The following TTC7B variants were observed in gnomAD, a reference collection of about 807,000 sequenced individuals.
TTC7B encodes tetratricopeptide repeat domain 7B.
A neutral mutation model predicts 106.8 loss-of-function variants in TTC7B; 28 were observed. That is an observed-to-expected ratio of 0.26 (90% CI 0.19 to 0.36). TTC7B has a LOEUF of 0.36. Among genes scored for constraint, TTC7B ranks in the 10% least tolerant of loss-of-function variants. The pLI is 1.00. For synonymous variants in TTC7B, 405 were observed against 430.6 expected (o/e 0.94, Z 0.74); for missense variants, 862 against 1,076.4 (o/e 0.80, Z 2.79).
chr14:90,599,601 C>T (rs1892347423), intron 17 of TTC7B, among the ~76,000 whole-genome samples: 1 of 152,234 alleles, frequency 6.6e-6, no homozygotes, highest in Admixed American at 6.5e-5. Flanking sequence ...TGGCACGTGG[C>T]CACACCCCAA....
intron 8 of TTC7B, among the ~76,000 whole-genome samples, chr14:90,677,571 TC>T (rs1382081142): frequency 6.6e-6 from 1 of 152,214 alleles, no homozygotes; most frequent in Non-Finnish European, 1.5e-5. Context: ...CCTGCCTTTT[TC>T]CCTCTGCTAA....
chr14:90,745,512 A>T (rs754531288), intron 3 of TTC7B, among the ~76,000 whole-genome samples: 1 of 152,082 alleles, frequency 6.6e-6, no homozygotes, highest in African/African-American at 2.4e-5. Flanking sequence ...GATTTGCTCA[A>T]ATCCTTTCTC....
rs184438153 is a variant in TTC7B, at chr14:90,726,869, G to A, written c.698+3206C>T. 6.0e-4 allele frequency among the ~76,000 whole-genome samples: 91 copies of A among 152,334 alleles called. 1 individual carries two copies. In the East Asian group the frequency reaches 0.014, roughly 24 times the overall value. On this transcript the variant is annotated intron_variant, in intron 5 of 19. Transcript: ENST00000328459. ...TTGTTGCTGCCACCCAGAGGGATAAGAGAAATAGATGTGAAATGGATCTGG... is the reference window on the plus strand; with the variant it reads ...TTGTTGCTGCCACCCAGAGGGATAAAAGAAATAGATGTGAAATGGATCTGG...
intron 18 of TTC7B, among the ~76,000 whole-genome samples, chr14:90,589,998 C>T (rs926797315): frequency 1.3e-5 from 2 of 152,002 alleles, no homozygotes; most frequent in Admixed American, 6.6e-5. Context: ...TACCAGGTGG[C>T]ACATTCAGGG....
intron 19 of TTC7B, among the ~76,000 whole-genome samples, chr14:90,564,611 A>G (rs1890713621): frequency 1.3e-5 from 2 of 152,338 alleles, no homozygotes. Flanking sequence ...TTTCATCTAC[A>G]TTAAAAAACT....
Position 90,624,100 on chromosome 14 carries a change from ATG to A in TTC7B, c.1752-6057_1752-6056del, listed in dbSNP as rs936064831. Among the ~76,000 whole-genome samples the A allele has an allele frequency of 6.6e-6, 1 of 152,124 alleles. No individual in the cohort carries two copies. The highest frequency in any genetic ancestry group is 2.4e-5 in the African/African-American group (1 of 41,428). On this transcript the variant is annotated intron_variant, in intron 15 of 19. Transcript: ENST00000328459. This position sits in a 1 kb window ranked among gnomAD's most constrained non-coding sequence, Gnocchi z 4.0. ...TATGCGTGTGCGTGTATATGTGTGCATGTGTGTGTGCGCGTGCGCGTGTGTGT... is the reference window on the plus strand; with the variant it reads ...TATGCGTGTGCGTGTATATGTGTGCATGTGTGTGCGCGTGCGCGTGTGTGT...
chr14:90,551,404 G>A (rs1390029087), intron 19 of TTC7B, among the ~76,000 whole-genome samples: 2 of 152,126 alleles, frequency 1.3e-5, no homozygotes, highest in African/African-American at 4.8e-5. Flanking sequence ...CTAAGAGTGG[G>A]TTCCCTGACC....
At chr14:90,745,467 G>C (rs1889931662) in intron 3 of TTC7B, among the ~76,000 whole-genome samples, 1 of 152,138 alleles carries the variant, frequency 6.6e-6, no homozygotes, top group African/African-American at 2.4e-5. Context: ...TTCTACACCA[G>C]TTTTGCTGAG....
chr14:90,704,024 G>C (rs148171129), intron 5 of TTC7B, among the ~76,000 whole-genome samples: 307 of 152,344 alleles, frequency 2.0e-3, no homozygotes, highest in African/African-American at 7.2e-3. Context: ...ACAAGTACCA[G>C]ATGCCAGGCA....
chr14:90,668,551 A>G (rs936352690), intron 9 of TTC7B, among the ~76,000 whole-genome samples: 1 of 152,222 alleles, frequency 6.6e-6, no homozygotes, highest in African/African-American at 2.4e-5. Context: ...TAATGCCACC[A>G]ATAACAATAG....
intron 3 of TTC7B, chr14:90,766,673 C>A (rs1268835451): frequency 1.7e-5 from 22 of 1,331,108 alleles, no homozygotes; most frequent in South Asian, 9.4e-5. Context: ...TTGAGGAAAG[C>A]AGACATTGAC....
Position 90,663,593 on chromosome 14 carries a change from C to T in TTC7B, c.1153-5206G>A, listed in dbSNP as rs1482223633. On this transcript the variant is annotated intron_variant, in intron 9 of 19. Coordinates refer to ENST00000328459, the MANE Select transcript of TTC7B (RefSeq NM_001010854.2). The surrounding 1 kb of genome is among the most constrained non-coding windows in gnomAD (Gnocchi z 4.5). ...CAGCCAGTGGTGCCACGTCTCCAGC[C>T]CATCGCAAAGTTCTCAATCGACAAA... is the stretch of plus-strand genomic sequence containing the variant. Among the ~76,000 whole-genome samples, 1 of 152,162 alleles carries T rather than the reference C, an allele frequency of 6.6e-6. No individual in the cohort carries two copies. Among genetic ancestry groups the T allele is most frequent in the Non-Finnish European group, 1.5e-5 (1 of 68,028 alleles).
chr14:90,534,082 A>G lies in TTC7B; in HGVS notation c.*7286T>C, dbSNP rs1889352991. 1 of 152,352 alleles carries G rather than the reference A, an allele frequency of 6.6e-6. No homozygotes were observed. The highest frequency in any genetic ancestry group is 1.5e-5 in the Non-Finnish European group (1 of 68,138). The allele number at this position is 152,352 out of a possible 1,614,324, so 9.4% of individuals were successfully genotyped here. On this transcript the variant is annotated 3_prime_UTR_variant, in exon 20 of 20. Coordinates refer to ENST00000328459, the MANE Select transcript of TTC7B (RefSeq NM_001010854.2). ...AGGGAGGGACAGTGGCACAGTGAGG[A>G]TCACCCCCAGCAGGTGCAGAGCTGG...
chr14:90,603,201 A>G, intron 17 of TTC7B: 1 of 1,137,796 alleles, frequency 8.8e-7, no homozygotes, highest in Non-Finnish European at 1.2e-6. Flanking sequence ...TGGTGGGGGG[A>G]GTGTGATTCT....
At chr14:90,639,625 A>C (rs1474482679) in intron 15 of TTC7B, among the ~76,000 whole-genome samples, 1 of 152,202 alleles carries the variant, frequency 6.6e-6, no homozygotes, top group Non-Finnish European at 1.5e-5. Context: ...AACAGTTTGG[A>C]ATTATTTGGT....
intron 5 of TTC7B, among the ~76,000 whole-genome samples, chr14:90,719,373 G>GCAA (rs2139976752): frequency 6.6e-6 from 1 of 152,304 alleles, no homozygotes; most frequent in Admixed American, 6.5e-5. Flanking sequence ...ATGTTACTAG[G>GCAA]CAACACTTCC....
In TTC7B at chr14:90,716,151, C is replaced by A. The variant is rs116196272; in HGVS notation, c.698+13924G>T. Among the ~76,000 whole-genome samples, 650 of 152,092 alleles carry A rather than the reference C, an allele frequency of 4.3e-3. 5 individuals are homozygous for A. The highest frequency in any genetic ancestry group is 0.015 in the African/African-American group (613 of 41,496). On this transcript the variant is annotated intron_variant, in intron 5 of 19. Coordinates refer to ENST00000328459, the MANE Select transcript of TTC7B (RefSeq NM_001010854.2). ...AGCCTAAACAGGTGAAGCTTTACAG[C>A]CAAGAAGGAGGGTGGGGGTCAGTGG...
At chr14:90,750,960 AAC>A (rs1890116298) in intron 3 of TTC7B, among the ~76,000 whole-genome samples, 1 of 152,238 alleles carries the variant, frequency 6.6e-6, no homozygotes, top group Non-Finnish European at 1.5e-5. Context: ...GGATCATATC[AAC>A]ACTGTCTGAG....
rs1228001251 is a variant in TTC7B at position 90,692,660 on chromosome 14, C to T, written c.777+2840G>A. Among the ~76,000 whole-genome samples the T allele has an allele frequency of 2.0e-5, 3 of 152,132 alleles. No homozygotes were observed. In the East Asian group the frequency reaches 5.8e-4, roughly 29 times the overall value. ...AAACACTTGCCAATTCAGTCAGTTA[C>T]TTTCATTGTGCTTCCAAATCTTGGA... On this transcript the variant is annotated intron_variant, in intron 6 of 19. Coordinates refer to ENST00000328459, the MANE Select transcript of TTC7B (RefSeq NM_001010854.2).
Sources: gnomAD v4.1 joint callset for allele counts (sites outside exome capture counted in the v4.1 genomes callset) on GRCh38, gnomAD v4.1.1 for gene constraint, Gnocchi (gnomAD v3.1) non-coding constraint, MANE v1.5 for transcripts, NCBI Gene and HGNC (gene_info 2026-07-23, HGNC 2026-07-21) for gene names.